STK33: variants seen among roughly 807,000 people sequenced by gnomAD.
STK33 encodes the protein serine/threonine kinase 33, also known as serine/threonine-protein kinase 33.
In STK33, 52 loss-of-function variants were observed where a neutral mutation model predicts 58.0. The ratio of observed to expected loss-of-function variants is 0.90; its 90% CI spans 0.72 to 1.13. The LOEUF is 1.13. STK33 is among the 50% of genes most tolerant of loss of function. The pLI is 0.00. For missense variants in STK33, 630 were observed against 604.2 expected, an observed-to-expected ratio of 1.04 and a Z score of -0.45; for synonymous variants, 215 against 200.1, an observed-to-expected ratio of 1.07 and a Z score of -0.63.
downstream of STK33, among the ~76,000 whole-genome samples, chr11:8,389,021 T>C (rs1271929114): frequency 7.2e-6 from 1 of 139,300 alleles, no homozygotes; most frequent in Non-Finnish European, 1.7e-5. Context: ...TCAGGAACAA[T>C]GCAGCACTGA....
chr11:8,496,209 T>C (rs1407876908), intron 1 of STK33, among the ~76,000 whole-genome samples: 5 of 148,654 alleles, frequency 3.4e-5, no homozygotes, highest in African/African-American at 9.7e-5. Context: ...TATGATCATA[T>C]GCAAATTACA....
chr11:8,334,885 C>T, the STK33 span, among the ~76,000 whole-genome samples: 1 of 152,216 alleles, frequency 6.6e-6, no homozygotes, highest in African/African-American at 2.4e-5. Flanking sequence ...TGTAGGTGTG[C>T]TCTGTGCCTG....
At chr11:8,590,754 C>T (rs369487915) in intron 1 of STK33, among the ~76,000 whole-genome samples, 13 of 152,204 alleles carry the variant, frequency 8.5e-5, no homozygotes, top group African/African-American at 2.9e-4. Context: ...GATGCCCATT[C>T]TTCACATTCT....
At chr11:8,457,155 C>T (rs1946957352) in intron 9 of STK33, among the ~76,000 whole-genome samples, 186 bp downstream of exon 9, 2 of 151,974 alleles carry the variant, frequency 1.3e-5, no homozygotes, top group Non-Finnish European at 2.9e-5. Flanking sequence ...ATTTCATCTT[C>T]GTTCATATTT....
At chr11:8,421,352 A>G (rs997957778) in intron 14 of STK33, among the ~76,000 whole-genome samples, 3 of 152,156 alleles carry the variant, frequency 2.0e-5, no homozygotes, top group African/African-American at 4.8e-5. Context: ...TACTTTTTCC[A>G]TATGGAGAAC....
intron 11 of STK33, among the ~76,000 whole-genome samples, chr11:8,444,192 C>G (rs1945116413): frequency 6.6e-6 from 1 of 152,028 alleles, no homozygotes; most frequent in African/African-American, 2.4e-5. Context: ...CAAATTTGAT[C>G]TAGATAAAAT....
the STK33 span, among the ~76,000 whole-genome samples, chr11:8,363,880 A>T: frequency 3.3e-5 from 5 of 152,182 alleles, no homozygotes; most frequent in Non-Finnish European, 7.3e-5. Flanking sequence ...AGACATTAAG[A>T]ATTAAAGTGT....
intron 1 of STK33, among the ~76,000 whole-genome samples, chr11:8,520,305 A>G (rs1185914811): frequency 6.6e-6 from 1 of 152,238 alleles, no homozygotes; most frequent in Non-Finnish European, 1.5e-5. Flanking sequence ...CCTTCATGCT[A>G]AAAACTCTCA....
At chr11:8,473,814 C>T (rs2137860640) in intron 5 of STK33, among the ~76,000 whole-genome samples, 1 of 152,208 alleles carries the variant, frequency 6.6e-6, no homozygotes, top group Non-Finnish European at 1.5e-5. Context: ...TTTTCTTAGG[C>T]TTATTGCTCT....
chr11:8,401,596 C>T (rs1259313574), intron 15 of STK33, among the ~76,000 whole-genome samples: 1 of 152,150 alleles, frequency 6.6e-6, no homozygotes, highest in Non-Finnish European at 1.5e-5. Context: ...AAAGCAATGG[C>T]AACAAAAGTC....
downstream of STK33, among the ~76,000 whole-genome samples, chr11:8,388,709 C>T (rs1028405041): frequency 6.6e-6 from 1 of 152,202 alleles, no homozygotes; most frequent in Non-Finnish European, 1.5e-5. Flanking sequence ...TGGCAGCAAG[C>T]AGCCAGTGTA....
intron 2 of STK33, among the ~76,000 whole-genome samples, chr11:8,478,830 C>A (rs189590650): frequency 6.6e-6 from 1 of 151,500 alleles, no homozygotes. Context: ...GTTTACAAAG[C>A]CTAAAGAAGG....
chr11:8,493,563 T>C (rs898325797), intron 1 of STK33, among the ~76,000 whole-genome samples: 3 of 152,038 alleles, frequency 2.0e-5, no homozygotes, highest in Admixed American at 6.6e-5. Context: ...TTTCAATCAA[T>C]AGAAAAAGAG....
intron 1 of STK33, among the ~76,000 whole-genome samples, chr11:8,587,971 T>C (rs952640027): frequency 2.0e-5 from 3 of 152,192 alleles, no homozygotes; most frequent in South Asian, 4.1e-4. Flanking sequence ...CTCACAGTTC[T>C]GGAGGCTGAG....
At chr11:8,425,573 T>C (rs1318421895) in intron 14 of STK33, among the ~76,000 whole-genome samples, 1 of 152,230 alleles carries the variant, frequency 6.6e-6, no homozygotes, top group Non-Finnish European at 1.5e-5. Flanking sequence ...AATTCCATTA[T>C]ACAGGTTTTC....
intron 7 of STK33, among the ~76,000 whole-genome samples, chr11:8,464,150 AT>A (rs1246030789): frequency 6.6e-6 from 1 of 152,182 alleles, no homozygotes; most frequent in Admixed American, 6.5e-5. Flanking sequence ...GAGGTCTTAG[AT>A]TTTATCGTCA....
intron 4 of STK33, among the ~76,000 whole-genome samples, chr11:8,476,041 T>C (rs1949236459): frequency 6.6e-6 from 1 of 152,236 alleles, no homozygotes; most frequent in African/African-American, 2.4e-5. Context: ...TCTATTGTGA[T>C]TGGCAGGAAA....
the STK33 span, among the ~76,000 whole-genome samples, chr11:8,358,565 G>C: frequency 6.6e-6 from 1 of 152,204 alleles, no homozygotes; most frequent in East Asian, 1.9e-4. Flanking sequence ...GGAGGGTGAA[G>C]AGATGGTTGT....
At chr11:8,427,094 C>G (rs1385992653) in intron 14 of STK33, among the ~76,000 whole-genome samples, 1 of 152,142 alleles carries the variant, frequency 6.6e-6, no homozygotes, top group Non-Finnish European at 1.5e-5. Context: ...GCACATGGCT[C>G]TTGTGGCATC....
Sources: allele counts gnomAD v4.1 joint callset (sites outside exome capture counted in the v4.1 genomes callset), GRCh38; gene constraint gnomAD v4.1.1; transcripts MANE v1.5; gene names NCBI Gene and HGNC (gene_info 2026-07-23, HGNC 2026-07-21).